Variants in WRN observed in about 807,000 individuals in gnomAD.
WRN encodes bifunctional 3'-5' exonuclease/ATP-dependent helicase WRN.
A neutral mutation model predicts 180.7 loss-of-function variants in WRN; 149 were observed. The ratio of observed to expected loss-of-function variants is 0.82; its 90% CI spans 0.72 to 0.94. The LOEUF is 0.94. WRN is among the 40% of genes least tolerant of loss of function. WRN has a pLI of 0.00. For missense variants in WRN, 1,661 were observed against 1,700.1 expected (o/e 0.98, Z 0.40); for synonymous variants, 548 against 568.9 (o/e 0.96, Z 0.52).
chr8:31,123,049 A>G (rs138013782), intron 21 of WRN, among the ~76,000 whole-genome samples: 1 of 152,032 alleles, frequency 6.6e-6, no homozygotes, highest in Non-Finnish European at 1.5e-5. Context: ...TGTTAAATAG[A>G]AAATTCCAGA....
chr8:31,173,255 C>A lies in WRN; in HGVS notation c.*153C>A. On this transcript the variant is annotated 3_prime_UTR_variant, in exon 35 of 35. Coordinates refer to ENST00000298139, the MANE Select transcript of WRN (RefSeq NM_000553.6). Reference sequence around the variant, plus strand: ...TGAAGAACTGGCATCTTAAATCAGCCTTCCGCAATTCATGTAGTTTCTGGG... The same window carrying A: ...TGAAGAACTGGCATCTTAAATCAGCATTCCGCAATTCATGTAGTTTCTGGG... 1 of 759,146 alleles carries A rather than the reference C, an allele frequency of 1.3e-6. No homozygotes were observed. Among genetic ancestry groups the A allele is most frequent in the South Asian group, 1.6e-5 (1 of 60,826 alleles). 47.0% of individuals were successfully genotyped at this position (759,146 alleles called of 1,614,324 possible).
intron 33 of WRN, among the ~76,000 whole-genome samples, chr8:31,160,750 C>G (rs569287040): frequency 6.6e-6 from 1 of 151,894 alleles, no homozygotes; most frequent in Admixed American, 6.6e-5. Context: ...TTTGGGAGGC[C>G]GAGGCGGGCA....
At chr8:31,166,730 G>T (rs189499090) in intron 33 of WRN, among the ~76,000 whole-genome samples, 31 of 152,198 alleles carry the variant, frequency 2.0e-4, no homozygotes, top group African/African-American at 7.2e-4. Context: ...TCCACGAATG[G>T]TTGTTTTGAT....
At chr8:31,065,531 C>G (rs1812663631) in intron 5 of WRN, among the ~76,000 whole-genome samples, 1 of 152,116 alleles carries the variant, frequency 6.6e-6, no homozygotes, top group Non-Finnish European at 1.5e-5. Context: ...ATAATGGCCT[C>G]CAGTGCCATC....
intron 24 of WRN, among the ~76,000 whole-genome samples, chr8:31,140,194 T>G (rs2130408301): frequency 6.6e-6 from 1 of 151,712 alleles, no homozygotes; most frequent in East Asian, 2.0e-4. Flanking sequence ...ACTTTGCTAA[T>G]TTTTTATTTT....
chr8:31,066,224 C>T (rs191799579), intron 5 of WRN, among the ~76,000 whole-genome samples: 10 of 146,746 alleles, frequency 6.8e-5, no homozygotes, highest in African/African-American at 2.3e-4. Flanking sequence ...CTTGCTCTGT[C>T]GCCCAGGCTG....
At chr8:31,138,765 T>C (rs1802494229) in intron 24 of WRN, among the ~76,000 whole-genome samples, 1 of 152,222 alleles carries the variant, frequency 6.6e-6, no homozygotes, top group South Asian at 2.1e-4. Context: ...TCTATTTTAT[T>C]GTTAAGATTT....
At chr8:31,153,663 T>C (rs999023420) in intron 31 of WRN, among the ~76,000 whole-genome samples, 1 of 152,280 alleles carries the variant, frequency 6.6e-6, no homozygotes, top group East Asian at 1.9e-4. Context: ...GGTCAGATAA[T>C]TGAAACATTA....
At chr8:31,099,075 A>G (rs1020998368) in intron 17 of WRN, among the ~76,000 whole-genome samples, 19 of 150,392 alleles carry the variant, frequency 1.3e-4, no homozygotes, top group African/African-American at 4.6e-4. Flanking sequence ...AAAGAAAGAA[A>G]GAGAGAGAGA....
In WRN at chr8:31,124,908, A is replaced by G. The variant is rs1194398331; in HGVS notation, c.2733A>G (p.Gln911=). ...TAATTTAAAATTTTGTCTTGGGTAGAATCATCTTGTCTCATTTTGAGGACA... is the reference window on the plus strand; with the variant it reads ...TAATTTAAAATTTTGTCTTGGGTAGGATCATCTTGTCTCATTTTGAGGACA... ...KYLHSSRCRR[Q]IILSHFEDKQ... The change falls in exon 23 of 35, where the codon CAA becomes CAG. Residue 911 remains glutamine, a splice_region_variant and synonymous_variant. Coordinates refer to ENST00000298139, the MANE Select transcript of WRN (RefSeq NM_000553.6). 1.2e-6 allele frequency: 2 copies of G among 1,612,506 alleles called. No individual in the cohort carries two copies. The highest frequency in any genetic ancestry group is 1.7e-6 in the Non-Finnish European group (2 of 1,179,184).
intron 18 of WRN, among the ~76,000 whole-genome samples, chr8:31,102,724 G>A (rs951853224): frequency 3.3e-5 from 5 of 152,170 alleles, no homozygotes; most frequent in African/African-American, 1.2e-4. Flanking sequence ...GGAGTGGCGA[G>A]TGAATGTAAA....
intron 7 of WRN, among the ~76,000 whole-genome samples, chr8:31,070,826 C>T (rs775175708): frequency 2.0e-5 from 3 of 152,064 alleles, no homozygotes; most frequent in African/African-American, 7.2e-5. Context: ...GGGTGGATCA[C>T]CTGAGGTCAG....
At chr8:31,154,872 A>C in intron 32 of WRN, 117 bp downstream of exon 32, 4 of 1,238,916 alleles carry the variant, frequency 3.2e-6, no homozygotes, top group Non-Finnish European at 4.5e-6. Context: ...CCTACAATAA[A>C]TCTCAGTTTA....
intron 11 of WRN, among the ~76,000 whole-genome samples, chr8:31,086,649 A>G (rs1813543352): frequency 6.6e-6 from 1 of 152,028 alleles, no homozygotes; most frequent in African/African-American, 2.4e-5. Context: ...TTTTCCAGTT[A>G]GTATCTGTGT....
chr8:31,047,596 G>T (rs16877659), intron 1 of WRN, among the ~76,000 whole-genome samples: 1 of 152,070 alleles, frequency 6.6e-6, no homozygotes, highest in African/African-American at 2.4e-5. Flanking sequence ...TGTATTAAGG[G>T]TCTAGGGTGG....
At chr8:31,150,803 T>G (rs2130455877) in intron 31 of WRN, among the ~76,000 whole-genome samples, 1 of 152,318 alleles carries the variant, frequency 6.6e-6, no homozygotes, top group South Asian at 2.1e-4. Flanking sequence ...TTGCTATGAG[T>G]TGGTCAGGAG....
At chr8:31,062,409 A>T (rs1038719296) in intron 3 of WRN, among the ~76,000 whole-genome samples, 5 of 139,732 alleles carry the variant, frequency 3.6e-5, no homozygotes, top group South Asian at 4.6e-4. Flanking sequence ...ATTTTCTTCA[A>T]TTTTTTTTTT....
intron 23 of WRN, among the ~76,000 whole-genome samples, chr8:31,128,504 G>A (rs1802014235): frequency 6.6e-6 from 1 of 152,130 alleles, no homozygotes; most frequent in Non-Finnish European, 1.5e-5. Context: ...CTTGTTTGTA[G>A]CACACTGATT....
At chr8:31,154,495 A>G (rs1803292962) in intron 31 of WRN, 129 bp from the exon 32 acceptor site, 1 of 1,135,302 alleles carries the variant, frequency 8.8e-7, no homozygotes. Context: ...GCTCCCCATA[A>G]AAAGGGAATT....
Sources: allele counts gnomAD v4.1 joint callset (sites outside exome capture counted in the v4.1 genomes callset), GRCh38; gene constraint gnomAD v4.1.1; transcripts MANE v1.5; gene names NCBI Gene and HGNC (gene_info 2026-07-23, HGNC 2026-07-21).